CTTNBP2: variants seen among roughly 807,000 people sequenced by gnomAD.
CTTNBP2 encodes cortactin-binding protein 2.
A neutral mutation model predicts 156.9 loss-of-function variants in CTTNBP2; 108 were observed. The ratio of observed to expected loss-of-function variants is 0.69; its 90% CI spans 0.59 to 0.81. The LOEUF is 0.81. Ranked by LOEUF, CTTNBP2 falls within the 30% of genes least tolerant of loss-of-function variation. The pLI is 0.00. For missense variants in CTTNBP2, 1,924 were observed against 2,035.4 expected, an observed-to-expected ratio of 0.95 and a Z score of 1.05; for synonymous variants, 767 against 751.8, an observed-to-expected ratio of 1.02 and a Z score of -0.33.
At chr7:117,821,616 T>TCA (rs1800973238) in intron 2 of CTTNBP2, among the ~76,000 whole-genome samples, 1 of 148,590 alleles carries the variant, frequency 6.7e-6, no homozygotes, top group Non-Finnish European at 1.5e-5. Context: ...TGAGACGAAG[T>TCA]CTCTCTCTGT....
At chr7:117,857,795 A>C (rs1584564535) in intron 2 of CTTNBP2, among the ~76,000 whole-genome samples, 1 of 152,302 alleles carries the variant, frequency 6.6e-6, no homozygotes, top group African/African-American at 2.4e-5. Flanking sequence ...TGATCTCATA[A>C]TGTAAAACAA....
chr7:117,803,933 TG>T (rs1411515074), intron 3 of CTTNBP2, among the ~76,000 whole-genome samples: 1 of 152,170 alleles, frequency 6.6e-6, no homozygotes, highest in Non-Finnish European at 1.5e-5. Context: ...TGCTTTTTGA[TG>T]TTCAAAAGCC....
At chr7:117,858,096 C>A (rs1051573843) in intron 2 of CTTNBP2, among the ~76,000 whole-genome samples, 1 of 152,286 alleles carries the variant, frequency 6.6e-6, no homozygotes, top group Middle Eastern at 3.4e-3. Context: ...ATAGGTCGGG[C>A]GCGGTGGCTC....
chr7:117,792,551 A>G lies in CTTNBP2; in HGVS notation c.645T>C (p.Ala215=). The stretch of plus-strand genomic sequence containing the variant: ...CCATTTCTGTGCTTCTTCGTTTCTC[A>G]GCGGAGAGTTCCTCTTCTAATTCAT... ...KTNELEEELS[A]EKRRSTEMEA... The change falls in exon 4 of 23, where the codon GCT becomes GCC. Residue 215 remains alanine, a synonymous_variant. Transcript: ENST00000160373. The surrounding 1 kb of genome is among the most constrained non-coding windows in gnomAD (Gnocchi z 4.2). 1 of 1,614,152 alleles carries G rather than the reference A, an allele frequency of 6.2e-7. No individual in the cohort carries two copies. The highest frequency in any genetic ancestry group is 8.5e-7 in the Non-Finnish European group (1 of 1,180,026).
intron 19 of CTTNBP2, among the ~76,000 whole-genome samples, chr7:117,721,914 C>T (rs1425113651): frequency 6.6e-6 from 1 of 152,166 alleles, no homozygotes; most frequent in Non-Finnish European, 1.5e-5. Context: ...GTTATGAATG[C>T]ATTAAAACAG....
chr7:117,843,526 T>A (rs1802395891), intron 2 of CTTNBP2, among the ~76,000 whole-genome samples: 2 of 152,170 alleles, frequency 1.3e-5, no homozygotes, highest in South Asian at 4.1e-4. Flanking sequence ...GCTCTAGGGC[T>A]GGAACAGGCA....
At chr7:117,738,162 G>A (rs897385604) in intron 14 of CTTNBP2, among the ~76,000 whole-genome samples, 4 of 152,180 alleles carry the variant, frequency 2.6e-5, no homozygotes, top group Admixed American at 2.0e-4. Flanking sequence ...GATTCTCAGC[G>A]CTTCTGATTT....
rs1200170708 is a variant in CTTNBP2 at position 117,792,088 on chromosome 7, C to T, written c.1108G>A (p.Val370Ile). The T allele has an allele frequency of 1.2e-6, 2 of 1,614,082 alleles. No individual in the cohort carries two copies. Among genetic ancestry groups the T allele is most frequent in the Admixed American group, 1.7e-5 (1 of 60,004 alleles). Residue 370 changes from valine to isoleucine, a missense_variant, in exon 4 of 23, where the codon GTA becomes ATA. Transcript: ENST00000160373. This position sits in a 1 kb window ranked among gnomAD's most constrained non-coding sequence, Gnocchi z 4.2. ...ASYGDLIGASVPAFPPPSANK... is the reference protein window; with the variant it reads ...ASYGDLIGASIPAFPPPSANK... ...GCACTTGGAGGTGGGAAAGCGGGTA[C>T]AGAAGCGCCAATCAAGTCACCATAG... is the stretch of plus-strand genomic sequence containing the variant.
At chr7:117,775,584 CT>C (rs35808637) in intron 8 of CTTNBP2, among the ~76,000 whole-genome samples, 22,288 of 137,954 alleles carry the variant, frequency 0.16, 2,429 homozygotes, top group African/African-American at 0.33. Flanking sequence ...TTTGTTTTTC[CT>C]TTTTTTTTTT....
intron 14 of CTTNBP2, among the ~76,000 whole-genome samples, chr7:117,744,173 A>G (rs1479797837): frequency 1.3e-5 from 2 of 152,172 alleles, no homozygotes; most frequent in Non-Finnish European, 2.9e-5. Context: ...AAACAATCCA[A>G]TTACCTCCTT....
intron 8 of CTTNBP2, among the ~76,000 whole-genome samples, chr7:117,773,707 A>ACACCCCCC (rs1234464093): frequency 2.3e-5 from 3 of 128,958 alleles, no homozygotes; most frequent in Non-Finnish European, 4.7e-5. Flanking sequence ...ACACACACAC[A>ACACCCCCC]CCCCAAAAAA....
At chr7:117,765,417 C>T (rs948808362) in intron 9 of CTTNBP2, among the ~76,000 whole-genome samples, 3 of 152,172 alleles carry the variant, frequency 2.0e-5, no homozygotes, top group East Asian at 1.9e-4. Flanking sequence ...TAATTACTAA[C>T]CCTATTAACA....
chr7:117,719,485 C>A lies in CTTNBP2; in HGVS notation c.4644+19G>T. The A allele has an allele frequency of 6.3e-7, 1 of 1,599,244 alleles. No homozygotes were observed. Among genetic ancestry groups the A allele is most frequent in the South Asian group, 1.1e-5 (1 of 88,710 alleles). On this transcript the variant is annotated intron_variant, in intron 21 of 22. Coordinates refer to ENST00000160373, the MANE Select transcript of CTTNBP2 (RefSeq NM_033427.3). ...CTGTTGAGTAGAGCCATTCAATGCCCCCCATTTGTACTGCTCACCTTGCTG... is the reference window on the plus strand; with the variant it reads ...CTGTTGAGTAGAGCCATTCAATGCCACCCATTTGTACTGCTCACCTTGCTG...
chr7:117,766,972 CA>C (rs1718656668), intron 9 of CTTNBP2, 86 bp downstream of exon 9: 1 of 788,878 alleles, frequency 1.3e-6, no homozygotes, highest in Admixed American at 1.8e-5. Context: ...AAAGGACATG[CA>C]AAAGATGTAA....
At chr7:117,814,915 T>C (rs1431797612) in intron 2 of CTTNBP2, among the ~76,000 whole-genome samples, 1 of 152,244 alleles carries the variant, frequency 6.6e-6, no homozygotes, top group African/African-American at 2.4e-5. Context: ...TATTATTTGT[T>C]GCTTAAGACA....
At chr7:117,748,473 G>A (rs920659419) in intron 12 of CTTNBP2, among the ~76,000 whole-genome samples, 2 of 152,028 alleles carry the variant, frequency 1.3e-5, no homozygotes, top group African/African-American at 4.8e-5. Flanking sequence ...TTTTCTGCGA[G>A]TATCTGTCAT....
intron 14 of CTTNBP2, among the ~76,000 whole-genome samples, chr7:117,743,959 G>A (rs1179492013): frequency 6.6e-6 from 1 of 151,792 alleles, no homozygotes. Flanking sequence ...CCTAAAATGT[G>A]CTTCTAGGTT....
At chr7:117,777,843 T>C (rs1798192782) in intron 7 of CTTNBP2, 78 bp from the exon 8 acceptor site, 2 of 1,402,144 alleles carry the variant, frequency 1.4e-6, no homozygotes, top group African/African-American at 1.4e-5. Context: ...AGTTCACTTC[T>C]AAATGTTCTT....
At chr7:117,810,603 C>T (rs773351280) in intron 3 of CTTNBP2, among the ~76,000 whole-genome samples, 162 bp downstream of exon 3, 1 of 152,202 alleles carries the variant, frequency 6.6e-6, no homozygotes, top group Non-Finnish European at 1.5e-5. Flanking sequence ...ACTTTAAACA[C>T]TAGGTTACAT....
Sources: gnomAD v4.1 joint callset for allele counts (sites outside exome capture counted in the v4.1 genomes callset) on GRCh38, gnomAD v4.1.1 for gene constraint, Gnocchi (gnomAD v3.1) non-coding constraint, MANE v1.5 for transcripts, NCBI Gene and HGNC (gene_info 2026-07-23, HGNC 2026-07-21) for gene names.